The following CACNA1B variants were observed in gnomAD, a reference collection of about 807,000 sequenced individuals.
CACNA1B encodes voltage-dependent N-type calcium channel subunit alpha-1B.
In CACNA1B, 70 loss-of-function variants were observed where a neutral mutation model predicts 247.2. The observed-to-expected ratio is 0.28, with a 90% confidence interval of 0.23 to 0.35. CACNA1B has a LOEUF of 0.35. Ranked by LOEUF, CACNA1B falls within the 10% of genes least tolerant of loss-of-function variation. The probability of loss-of-function intolerance (pLI) is 1.00; values close to 1 mark genes in which losing one functional copy is unlikely to be tolerated. For synonymous variants in CACNA1B, 1,231 were observed against 1,294.4 expected, an observed-to-expected ratio of 0.95 and a Z score of 1.05; for missense variants, 2,367 against 3,197.4, an observed-to-expected ratio of 0.74 and a Z score of 6.26.
In CACNA1B at chr9:138,058,468, AG is replaced by A; in HGVS notation, c.4309-98del. 4.4e-6 allele frequency: 5 copies of A among 1,143,718 alleles called. No homozygotes were observed. The highest frequency in any genetic ancestry group is 6.2e-6 in the Non-Finnish European group (5 of 801,984). The allele number at this position is 1,143,718 out of a possible 1,614,324, so 70.8% of individuals were successfully genotyped here. A position where few individuals can be genotyped will look rare whatever the true frequency, so the allele number is the denominator to read the frequency against. Reference sequence around the variant, plus strand: ...CTGCTTCAATTTGTCTTCTGTTGTCAGGGCTCCCTGTGAGGCCTGGCGAGAC... The same window carrying A: ...CTGCTTCAATTTGTCTTCTGTTGTCAGGCTCCCTGTGAGGCCTGGCGAGAC... On this transcript the variant is annotated intron_variant, in intron 28 of 46. Transcript: ENST00000371372. The surrounding 1 kb of genome is among the most constrained non-coding windows in gnomAD (Gnocchi z 4.7).
At chr9:138,105,997 T>C (rs1480339156) in intron 39 of CACNA1B, among the ~76,000 whole-genome samples, 190 bp downstream of exon 39, 1 of 152,104 alleles carries the variant, frequency 6.6e-6, no homozygotes, top group East Asian at 1.9e-4. Context: ...GTCTGCACAT[T>C]AGCACTGCAA....
At position 137,881,955 on chromosome 9, in the gene CACNA1B, C is replaced by T. The variant is rs540402186; in HGVS notation, c.391-789C>T. Among the ~76,000 whole-genome samples, 2 of 152,208 alleles carry T rather than the reference C, an allele frequency of 1.3e-5. No individual in the cohort carries two copies. The highest frequency in any genetic ancestry group is 2.9e-5 in the Non-Finnish European group (2 of 68,032). Reference sequence around the variant, plus strand: ...GTGGAAGCCTTGCCTGCAGGCGCCACGCCCTCTGGGAGGCTCCCTGCGGTC... The same window carrying T: ...GTGGAAGCCTTGCCTGCAGGCGCCATGCCCTCTGGGAGGCTCCCTGCGGTC... On this transcript the variant is annotated intron_variant, in intron 2 of 46. Transcript: ENST00000371372. This position sits in a 1 kb window ranked among gnomAD's most constrained non-coding sequence, Gnocchi z 4.3.
chr9:138,029,510 A>G (rs1958962056), intron 20 of CACNA1B, among the ~76,000 whole-genome samples: 4 of 151,896 alleles, frequency 2.6e-5, no homozygotes, highest in Admixed American at 6.6e-5. Flanking sequence ...TTACTTACAT[A>G]GCCTTAAGAG....
rs1304175427 is a variant in CACNA1B, at chr9:137,888,993, C to T, written c.530+6110C>T. Among the ~76,000 whole-genome samples, 7 of 149,680 alleles carry T rather than the reference C, an allele frequency of 4.7e-5. No individual in the cohort carries two copies. Among genetic ancestry groups the T allele is most frequent in the African/African-American group, 1.5e-4 (6 of 41,206 alleles). ...TGACAGCCCAGAGACGCTGCCTTCC[C>T]GCAAGGCGACCTGACGCTGTGTCTG... On this transcript the variant is annotated intron_variant, in intron 3 of 46. Transcript: ENST00000371372. The surrounding 1 kb of genome is among the most constrained non-coding windows in gnomAD (Gnocchi z 4.7).
At chr9:138,029,265 G>A (rs1001189512) in intron 20 of CACNA1B, among the ~76,000 whole-genome samples, 2 of 152,176 alleles carry the variant, frequency 1.3e-5, no homozygotes, top group African/African-American at 4.8e-5. Flanking sequence ...TAATTAGAAT[G>A]TCTTCTTGTG....
intron 20 of CACNA1B, among the ~76,000 whole-genome samples, chr9:138,035,595 C>G (rs1959032904): frequency 6.6e-6 from 1 of 152,124 alleles, no homozygotes; most frequent in African/African-American, 2.4e-5. Flanking sequence ...TCCCTCCCTC[C>G]TTCCCTCCTT....
intron 15 of CACNA1B, among the ~76,000 whole-genome samples, chr9:137,997,733 C>A (rs1159100177): frequency 6.6e-6 from 1 of 152,168 alleles, no homozygotes; most frequent in Non-Finnish European, 1.5e-5. Context: ...GTTGGTAGAA[C>A]CACTCTGAAG....
intron 36 of CACNA1B, among the ~76,000 whole-genome samples, chr9:138,082,689 C>T (rs748359892): frequency 1.3e-5 from 2 of 151,298 alleles, no homozygotes; most frequent in African/African-American, 4.9e-5. Flanking sequence ...ACTTCTACAA[C>T]TCAACAACAA....
rs200511648 is a variant in CACNA1B at position 138,115,628 on chromosome 9, G to A, written c.5726G>A (p.Arg1909Gln). The change falls in exon 42 of 47, where the codon CGG becomes CAG. Residue 1909 changes from arginine to glutamine, a missense_variant. By Grantham distance (43) the Arg-to-Gln change is conservative. Around this residue, in one of 12 missense-constraint regions of CACNA1B, gnomAD observed 773 missense variants for 779.4 expected, o/e 0.99. Coordinates refer to ENST00000371372, the MANE Select transcript of CACNA1B (RefSeq NM_000718.4). ...CAGCCGGCTGTGCTCCGAGGAGCCC[G>A]GGTTTTCCTTCGACAGAAGAGTTCC... The part of the protein sequence containing the change: ...QTQPAVLRGA[R>Q]VFLRQKSSTS... The A allele has an allele frequency of 6.2e-6, 10 of 1,613,686 alleles. No individual in the cohort carries two copies. The highest frequency in any genetic ancestry group is 3.3e-5 in the Admixed American group (2 of 59,998).
chr9:137,937,888 G>A (rs1957686806), intron 6 of CACNA1B, among the ~76,000 whole-genome samples: 1 of 146,690 alleles, frequency 6.8e-6, no homozygotes, highest in African/African-American at 2.6e-5. Flanking sequence ...CGAAGGTTGT[G>A]GTGAGCCAAG....
In CACNA1B at chr9:137,971,478, C is replaced by T; in HGVS notation, c.1429C>T (p.Arg477Cys). ...KEKMFRFFIRRMVKAQSFYWV... is the reference protein window; with the variant it reads ...KEKMFRFFIRCMVKAQSFYWV... ...GAAGATGTTCCGGTTTTTTATCCGG[C>T]GCATGGTGAAGGCTCAGAGCTTCTA... The change falls in exon 11 of 47, where the codon CGC becomes TGC. Residue 477 changes from arginine to cysteine, a missense_variant. Transcript: ENST00000371372. This position sits in a 1 kb window ranked among gnomAD's most constrained non-coding sequence, Gnocchi z 4.4. 1.9e-6 allele frequency: 3 copies of T among 1,613,392 alleles called. No homozygotes were observed. Among genetic ancestry groups the T allele is most frequent in the Non-Finnish European group, 2.5e-6 (3 of 1,179,550 alleles).
chr9:137,906,097 G>T (rs1169150398), intron 3 of CACNA1B, among the ~76,000 whole-genome samples: 1 of 152,238 alleles, frequency 6.6e-6, no homozygotes, highest in Non-Finnish European at 1.5e-5. Flanking sequence ...CACTGGAGCG[G>T]ATTTTGTGTT....
intron 6 of CACNA1B, among the ~76,000 whole-genome samples, chr9:137,929,238 AGC>A (rs1349827695): frequency 2.0e-5 from 3 of 152,168 alleles, no homozygotes; most frequent in Non-Finnish European, 4.4e-5. Flanking sequence ...CATCCTTACC[AGC>A]ATTTGTTGTC....
intron 6 of CACNA1B, among the ~76,000 whole-genome samples, chr9:137,942,009 C>T (rs980805904): frequency 6.6e-6 from 1 of 152,142 alleles, no homozygotes; most frequent in East Asian, 1.9e-4. Flanking sequence ...AGAACTTTTG[C>T]ACAGCAAAAG....
intron 39 of CACNA1B, among the ~76,000 whole-genome samples, chr9:138,107,980 G>C (rs1046478926): frequency 4.1e-5 from 6 of 145,048 alleles, no homozygotes; most frequent in African/African-American, 1.5e-4. Flanking sequence ...GTGAGACTCT[G>C]TCTCAAAAAA....
intron 15 of CACNA1B, among the ~76,000 whole-genome samples, chr9:137,994,500 A>G (rs554929396): frequency 6.6e-6 from 1 of 152,368 alleles, no homozygotes; most frequent in South Asian, 2.1e-4. Context: ...GAATTCAGCA[A>G]GGTTTCAAGA....
chr9:137,960,176 G>A (rs1173216202), intron 10 of CACNA1B, among the ~76,000 whole-genome samples: 2 of 143,884 alleles, frequency 1.4e-5, no homozygotes, highest in East Asian at 4.2e-4. Context: ...GTGTGGCGGG[G>A]AGGGAAAGTT....
At chr9:137,912,476 A>C (rs1465240551) in intron 3 of CACNA1B, among the ~76,000 whole-genome samples, 2 of 152,202 alleles carry the variant, frequency 1.3e-5, no homozygotes, top group Non-Finnish European at 2.9e-5. Flanking sequence ...CTAATGAGAG[A>C]GCTCAAGATA....
chr9:138,096,284 C>G (rs1204591032), intron 36 of CACNA1B, among the ~76,000 whole-genome samples, 200 bp from the exon 37 acceptor site: 3 of 152,080 alleles, frequency 2.0e-5, no homozygotes, highest in South Asian at 4.1e-4. Context: ...GGGCAAGACA[C>G]TAGCATGTGG....
Sources: allele counts gnomAD v4.1 joint callset (sites outside exome capture counted in the v4.1 genomes callset), GRCh38; gene constraint gnomAD v4.1.1; regional missense constraint gnomAD v4.1.1; non-coding constraint Gnocchi (gnomAD v3.1); transcripts MANE v1.5; gene names NCBI Gene and HGNC (gene_info 2026-07-23, HGNC 2026-07-21).